The following BCAS3 variants were observed in gnomAD, a reference collection of about 807,000 sequenced individuals.
BCAS3 encodes BCAS3 microtubule associated cell migration factor, also known as BCAS4/BCAS3 fusion.
In BCAS3, 53 loss-of-function variants were observed where a neutral mutation model predicts 116.1. The observed-to-expected ratio is 0.46, with a 90% confidence interval of 0.37 to 0.57. The LOEUF (loss-of-function observed/expected upper bound fraction) is 0.57, where lower values mean the gene tolerates loss of function less well. BCAS3 is among the 20% of genes least tolerant of loss of function. BCAS3 has a pLI of 0.00. For synonymous variants in BCAS3, 391 were observed against 408.2 expected (o/e 0.96, Z 0.51); for missense variants, 917 against 1,165.4 (o/e 0.79, Z 3.10).
chr17:60,813,214 T>G (rs1198892706), intron 7 of BCAS3, among the ~76,000 whole-genome samples: 2 of 152,054 alleles, frequency 1.3e-5, no homozygotes, highest in African/African-American at 4.8e-5. Flanking sequence ...ATTCCGTCTA[T>G]AGACTGTATT....
intron 7 of BCAS3, among the ~76,000 whole-genome samples, chr17:60,822,090 A>G (rs1371609581): frequency 6.6e-6 from 1 of 152,216 alleles, no homozygotes; most frequent in Non-Finnish European, 1.5e-5. Context: ...TCAAGTCCGT[A>G]TAGACATACA....
In BCAS3 at chr17:60,967,496, A is replaced by C. The variant is rs1301218172; in HGVS notation, c.1221+20144A>C. ...TTTGTCCTTGACCTTTGAGAGTTTC[A>C]TTATTATACGTGTTAGAGTACTTTT... On this transcript the variant is annotated intron_variant, in intron 14 of 23. Transcript: ENST00000407086. The surrounding 1 kb of genome is among the most constrained non-coding windows in gnomAD (Gnocchi z 4.7). Among the ~76,000 whole-genome samples, 1 of 152,120 alleles carries C rather than the reference A, an allele frequency of 6.6e-6. No homozygotes were observed. The highest frequency in any genetic ancestry group is 1.5e-5 in the Non-Finnish European group (1 of 68,024).
chr17:61,109,268 C>T (rs118162944), intron 22 of BCAS3, among the ~76,000 whole-genome samples: 3,178 of 149,104 alleles, frequency 0.021, 40 homozygotes, highest in Middle Eastern at 0.069. Context: ...TTGTTACGGC[C>T]GAGTAGTATT....
rs1424147220 is a variant in BCAS3 at position 61,073,103 on chromosome 17, G to A, written c.2030-1817G>A. Reference sequence around the variant, plus strand: ...TATCATTACTTATCAGCCTTTCAATGTATATCAATTATTTCCAAAAGAATG... The same window carrying A: ...TATCATTACTTATCAGCCTTTCAATATATATCAATTATTTCCAAAAGAATG... On this transcript the variant is annotated intron_variant, in intron 19 of 23. Coordinates refer to ENST00000407086, the MANE Select transcript of BCAS3 (RefSeq NM_017679.5). The surrounding 1 kb of genome is among the most constrained non-coding windows in gnomAD (Gnocchi z 4.6). 1.3e-5 allele frequency among the ~76,000 whole-genome samples: 2 copies of A among 152,124 alleles called. No homozygotes were observed. The highest frequency in any genetic ancestry group is 6.5e-5 in the Admixed American group (1 of 15,280).
intron 22 of BCAS3, among the ~76,000 whole-genome samples, chr17:61,272,882 G>A (rs2050429434): frequency 6.6e-6 from 1 of 151,878 alleles, no homozygotes; most frequent in Admixed American, 6.6e-5. Flanking sequence ...TCTCTTCACT[G>A]TCACGCTGGG....
At chr17:60,907,090 TC>T (rs1304647860) in intron 11 of BCAS3, among the ~76,000 whole-genome samples, 6 of 152,190 alleles carry the variant, frequency 3.9e-5, no homozygotes, top group African/African-American at 1.4e-4. Flanking sequence ...TACTTGGAGC[TC>T]CTTAGAGGAA....
chr17:61,050,551 T>C (rs1044263206), intron 19 of BCAS3, among the ~76,000 whole-genome samples: 1 of 151,872 alleles, frequency 6.6e-6, no homozygotes, highest in African/African-American at 2.4e-5. Context: ...ATGTACATAA[T>C]GAACTCAAAA....
chr17:60,891,648 G>A (rs1054196282), intron 10 of BCAS3: 45 of 454,982 alleles, frequency 9.9e-5, no homozygotes, highest in East Asian at 3.5e-4. Flanking sequence ...TTAAGAAGCC[G>A]TATATCTTTG....
chr17:60,765,555 G>A (rs2044006448), intron 6 of BCAS3, among the ~76,000 whole-genome samples: 1 of 152,198 alleles, frequency 6.6e-6, no homozygotes, highest in African/African-American at 2.4e-5. Flanking sequence ...TCTGCTGAGA[G>A]ATCAGCTGTT....
chr17:61,151,615 G>A lies in BCAS3; in HGVS notation c.2425+67051G>A, dbSNP rs1338645934. On this transcript the variant is annotated intron_variant, in intron 22 of 23. Coordinates refer to ENST00000407086, the MANE Select transcript of BCAS3 (RefSeq NM_017679.5). The surrounding 1 kb of genome is among the most constrained non-coding windows in gnomAD (Gnocchi z 4.8). ...CCATGTAGCTGATACTGACTAGCAC[G>A]CCCAGCAAATTTTTAAATTTTTGGC... is the stretch of plus-strand genomic sequence containing the variant. Among the ~76,000 whole-genome samples, 4 of 151,910 alleles carry A rather than the reference G, an allele frequency of 2.6e-5. No individual in the cohort carries two copies. Among genetic ancestry groups the A allele is most frequent in the Non-Finnish European group, 4.4e-5 (3 of 67,984 alleles).
intron 22 of BCAS3, among the ~76,000 whole-genome samples, chr17:61,303,233 G>A (rs1036302481): frequency 6.6e-6 from 1 of 152,230 alleles, no homozygotes; most frequent in Non-Finnish European, 1.5e-5. Flanking sequence ...GCACACTGCT[G>A]CAGGAGGCCC....
chr17:61,223,886 T>C (rs1180936324), intron 22 of BCAS3, among the ~76,000 whole-genome samples: 1 of 152,206 alleles, frequency 6.6e-6, no homozygotes, highest in Non-Finnish European at 1.5e-5. Flanking sequence ...CTGTGGTGTG[T>C]AGAGTTGTGC....
chr17:61,109,580 C>G (rs1217407960), intron 22 of BCAS3, among the ~76,000 whole-genome samples: 1 of 152,110 alleles, frequency 6.6e-6, no homozygotes, highest in Non-Finnish European at 1.5e-5. Flanking sequence ...GTAAAAGTTC[C>G]CTTTTCACTG....
At chr17:60,743,589 G>A (rs539110948) in intron 5 of BCAS3, among the ~76,000 whole-genome samples, 3 of 151,212 alleles carry the variant, frequency 2.0e-5, no homozygotes, top group Admixed American at 6.6e-5. Context: ...TTGTGAATGT[G>A]TACTCTTGTC....
chr17:60,742,661 G>A (rs1005492197), intron 5 of BCAS3, among the ~76,000 whole-genome samples: 8 of 151,702 alleles, frequency 5.3e-5, no homozygotes, highest in African/African-American at 1.9e-4. Flanking sequence ...TCGAACTCAT[G>A]ACCTCAAGTG....
chr17:61,377,496 T>G lies in BCAS3; in HGVS notation c.2593+9002T>G, dbSNP rs2059392526. 6.6e-6 allele frequency among the ~76,000 whole-genome samples: 1 copy of G among 152,176 alleles called. No individual in the cohort carries two copies. Among genetic ancestry groups the G allele is most frequent in the Admixed American group, 6.5e-5 (1 of 15,282 alleles). ...TCCCGCTATTGGGAAGAATGTGGTG[T>G]TTTTTTCCCCTTTTCGATGGGATTT... On this transcript the variant is annotated intron_variant, in intron 23 of 23. Coordinates refer to ENST00000407086, the MANE Select transcript of BCAS3 (RefSeq NM_017679.5). This position sits in a 1 kb window ranked among gnomAD's most constrained non-coding sequence, Gnocchi z 4.6.
At chr17:60,879,428 A>G (rs1301875086) in intron 9 of BCAS3, among the ~76,000 whole-genome samples, 1 of 152,220 alleles carries the variant, frequency 6.6e-6, no homozygotes, top group Non-Finnish European at 1.5e-5. Context: ...AGGAACAGGT[A>G]AAGAGAGCTG....
chr17:60,977,212 A>G (rs563150977), intron 14 of BCAS3, among the ~76,000 whole-genome samples: 1 of 152,280 alleles, frequency 6.6e-6, no homozygotes, highest in South Asian at 2.1e-4. Flanking sequence ...CTCTAAAAAT[A>G]TGCATTGCAC....
At chr17:61,114,124 C>G (rs1404951798) in intron 22 of BCAS3, among the ~76,000 whole-genome samples, 21 of 143,152 alleles carry the variant, frequency 1.5e-4, no homozygotes, top group African/African-American at 5.2e-4. Context: ...AAACCCACAG[C>G]CAATATCATA....
Sources: allele counts gnomAD v4.1 joint callset (sites outside exome capture counted in the v4.1 genomes callset), GRCh38; gene constraint gnomAD v4.1.1; non-coding constraint Gnocchi (gnomAD v3.1); transcripts MANE v1.5; gene names NCBI Gene and HGNC (gene_info 2026-07-23, HGNC 2026-07-21).